The following ORC5 variants were observed in gnomAD, a reference collection of about 807,000 sequenced individuals.
ORC5 encodes the protein protein phosphatase 1, regulatory subunit 117.
ORC5 carries 39 observed loss-of-function variants against 58.8 expected under a neutral mutation model. The observed-to-expected ratio is 0.66, with a 90% CI of 0.51 to 0.87. The LOEUF (loss-of-function observed/expected upper bound fraction) is 0.87. Among genes scored for constraint, ORC5 ranks in the 40% least tolerant of loss-of-function variants. The pLI, the probability that ORC5 is intolerant of heterozygous loss-of-function variation, is 0.00. For synonymous variants in ORC5, 218 were observed against 177.6 expected (o/e 1.23, Z -1.81); for missense variants, 493 against 506.3 (o/e 0.97, Z 0.25).
chr7:104,183,967 G>C lies in ORC5; in HGVS notation c.800C>G (p.Thr267Ser). Residue 267 changes from threonine to serine, a missense_variant, in exon 8 of 14, where the codon ACT (threonine) becomes AGT (serine). Physicochemically the swap from Thr to Ser is moderately conservative, Grantham distance 58. Coordinates refer to ENST00000297431, the MANE Select transcript of ORC5 (RefSeq NM_002553.4). ...CCTTGATATTTCCCTGAGATAAACAGTCTGCATAGCTTTCTTCAAATGAGG... is the reference window on the plus strand; with the variant it reads ...CCTTGATATTTCCCTGAGATAAACACTCTGCATAGCTTTCTTCAAATGAGG... The part of the protein sequence containing the change: ...IEPHLKKAMQ[T>S]VYLREISSSQ... 3.1e-6 allele frequency: 5 copies of C among 1,612,084 alleles called. No homozygotes were observed. The highest frequency in any genetic ancestry group is 4.2e-6 in the Non-Finnish European group (5 of 1,178,784).
intron 12 of ORC5, among the ~76,000 whole-genome samples, chr7:104,139,767 T>G (rs1342264862): frequency 6.6e-6 from 1 of 152,064 alleles, no homozygotes. Context: ...AAATGTTATG[T>G]TCTTTGTTAC....
chr7:104,203,034 C>A (rs1232964881), intron 2 of ORC5, among the ~76,000 whole-genome samples: 1 of 152,150 alleles, frequency 6.6e-6, no homozygotes, highest in Non-Finnish European at 1.5e-5. Context: ...CCTAGAGGAT[C>A]AGGAAAGACC....
At chr7:104,162,963 CCTCT>C (rs1302280101) in intron 11 of ORC5, among the ~76,000 whole-genome samples, 1 of 152,170 alleles carries the variant, frequency 6.6e-6, no homozygotes, top group Non-Finnish European at 1.5e-5. Context: ...TTGGAACATA[CCTCT>C]CTACCAATTG....
chr7:104,174,416 C>G (rs1173767510), intron 8 of ORC5, among the ~76,000 whole-genome samples: 1 of 152,170 alleles, frequency 6.6e-6, no homozygotes, highest in East Asian at 1.9e-4. Flanking sequence ...ATGGGATCCT[C>G]AAATTCTAAA....
intron 1 of ORC5, among the ~76,000 whole-genome samples, chr7:104,206,220 G>A (rs925274076): frequency 2.0e-5 from 3 of 152,082 alleles, no homozygotes; most frequent in African/African-American, 4.8e-5. Context: ...ACACAGAAAA[G>A]GTGCTCGGTA....
intron 8 of ORC5, among the ~76,000 whole-genome samples, chr7:104,173,970 A>G (rs910815848): frequency 6.8e-5 from 10 of 146,520 alleles, no homozygotes; most frequent in East Asian, 2.0e-4. Context: ...TCAGCCTCCC[A>G]AGTAGCTGGG....
At chr7:104,187,846 C>A (rs1220463796) in intron 6 of ORC5, 2 of 987,938 alleles carry the variant, frequency 2.0e-6, no homozygotes, top group African/African-American at 1.7e-5. Context: ...ACCTCAATCA[C>A]CGCATACATA....
chr7:104,203,799 G>C (rs1800005584), intron 2 of ORC5, among the ~76,000 whole-genome samples: 2 of 152,042 alleles, frequency 1.3e-5, no homozygotes, highest in Non-Finnish European at 2.9e-5. Flanking sequence ...GCAAATAAGA[G>C]GCTTACAGAA....
intron 8 of ORC5, among the ~76,000 whole-genome samples, chr7:104,173,881 G>T (rs1404445662): frequency 8.2e-6 from 1 of 121,678 alleles, no homozygotes. Flanking sequence ...GTCTCGCTCT[G>T]TCGCCCAGGC....
intron 11 of ORC5, 101 bp from the exon 12 acceptor site, chr7:104,161,283 A>C (rs1799017957): frequency 1.6e-6 from 1 of 631,934 alleles, no homozygotes; most frequent in African/African-American, 1.9e-5. Context: ...TGTTATATAT[A>C]GTTCCCCTAA....
intron 12 of ORC5, among the ~76,000 whole-genome samples, chr7:104,150,826 T>C (rs1414955635): frequency 1.3e-5 from 2 of 150,890 alleles, no homozygotes; most frequent in East Asian, 1.9e-4. Context: ...AACATCAGGG[T>C]AGTTGGAGAC....
intron 3 of ORC5, among the ~76,000 whole-genome samples, chr7:104,198,145 G>A (rs1369832385): frequency 6.6e-6 from 1 of 152,188 alleles, no homozygotes; most frequent in Non-Finnish European, 1.5e-5. Flanking sequence ...CTCAACCTTT[G>A]ACTTCCTAAC....
chr7:104,130,521 A>C (rs371523487), intron 13 of ORC5, among the ~76,000 whole-genome samples: 1 of 152,196 alleles, frequency 6.6e-6, no homozygotes, highest in East Asian at 1.9e-4. Context: ...TCTGAGATTA[A>C]GACCATTCTG....
intron 9 of ORC5, among the ~76,000 whole-genome samples, chr7:104,167,318 A>AT (rs1344021403): frequency 1.3e-5 from 2 of 152,102 alleles, no homozygotes; most frequent in Non-Finnish European, 2.9e-5. Context: ...AGTGTTTTGG[A>AT]TTTTTTCAGA....
intron 2 of ORC5, 66 bp from the exon 3 acceptor site, chr7:104,201,024 T>C: frequency 1.5e-6 from 2 of 1,350,788 alleles, no homozygotes; most frequent in Non-Finnish European, 2.1e-6. Flanking sequence ...ATGGCTGTGC[T>C]GGATAGTCTC....
intron 8 of ORC5, among the ~76,000 whole-genome samples, chr7:104,169,192 T>C (rs752159561): frequency 2.6e-5 from 4 of 152,188 alleles, no homozygotes; most frequent in South Asian, 2.1e-4. Flanking sequence ...ATTTCTAAAC[T>C]CTATAGCAAT....
intron 8 of ORC5, among the ~76,000 whole-genome samples, chr7:104,183,124 A>C (rs765885161): frequency 1.3e-5 from 2 of 152,178 alleles, no homozygotes; most frequent in Non-Finnish European, 2.9e-5. Flanking sequence ...AACAAGAGCG[A>C]AACTACGTCT....
At chr7:104,178,586 TG>T (rs1799370057) in intron 8 of ORC5, among the ~76,000 whole-genome samples, 1 of 152,236 alleles carries the variant, frequency 6.6e-6, no homozygotes, top group South Asian at 2.1e-4. Flanking sequence ...TTGTCAATTC[TG>T]GCTTTTGTTG....
chr7:104,158,082 T>C lies in ORC5; in HGVS notation c.1149+2990A>G, dbSNP rs530892653. ...GTATCACTTATGTAAATGAGAAATA[T>C]TTAAAAAACAAAAACTCCTACTCAT... On this transcript the variant is annotated intron_variant, in intron 12 of 13. Coordinates refer to ENST00000297431, the MANE Select transcript of ORC5 (RefSeq NM_002553.4). Among the ~76,000 whole-genome samples the C allele has an allele frequency of 6.6e-5, 10 of 152,242 alleles. No individual in the cohort carries two copies. In the South Asian group the frequency reaches 1.9e-3, roughly 28 times the overall value.
Sources: gnomAD v4.1 joint callset for allele counts (sites outside exome capture counted in the v4.1 genomes callset) on GRCh38, gnomAD v4.1.1 for gene constraint, MANE v1.5 for transcripts, NCBI Gene and HGNC (gene_info 2026-07-23, HGNC 2026-07-21) for gene names.